MCC: variants seen among roughly 807,000 people sequenced by gnomAD.
MCC encodes colorectal mutant cancer protein.
A neutral mutation model predicts 116.2 loss-of-function variants in MCC; 90 were observed. That is an observed-to-expected ratio of 0.77 (90% CI 0.65 to 0.92). The LOEUF (loss-of-function observed/expected upper bound fraction) is 0.92. MCC is among the 40% of genes least tolerant of loss of function. The pLI is 0.00. For missense variants in MCC, 1,516 were observed against 1,312.2 expected (o/e 1.16, Z -2.40); for synonymous variants, 578 against 510.5 (o/e 1.13, Z -1.78).
At position 113,291,915 on chromosome 5, in the gene MCC, G is replaced by T. The variant is rs569244117; in HGVS notation, c.627+48604C>A. 7.6e-4 allele frequency among the ~76,000 whole-genome samples: 115 copies of T among 152,164 alleles called. 1 individual carries two copies. In the Middle Eastern group the frequency reaches 0.014, roughly 18 times the overall value. ...CATGTTAAATTGAACTGAGATTTAGGGTCCACAAGGTATGAACCACACACT... is the reference window on the plus strand; with the variant it reads ...CATGTTAAATTGAACTGAGATTTAGTGTCCACAAGGTATGAACCACACACT... On this transcript the variant is annotated intron_variant, in intron 3 of 18. Transcript: ENST00000408903.
At chr5:113,356,398 A>G (rs6879612) in intron 2 of MCC, among the ~76,000 whole-genome samples, 96,366 of 147,862 alleles carry the variant, frequency 0.65, 33,793 homozygotes, top group African/African-American at 0.91. Context: ...TTATATAAAT[A>G]TATATATCAA....
intron 2 of MCC, among the ~76,000 whole-genome samples, chr5:113,384,063 C>T (rs1769187959): frequency 6.9e-6 from 1 of 145,840 alleles, no homozygotes; most frequent in East Asian, 1.9e-4. Flanking sequence ...TGTCTCCTTT[C>T]TTTCCTTTTT....
chr5:113,474,811 G>C (rs1375452019), intron 1 of MCC, among the ~76,000 whole-genome samples: 1 of 152,056 alleles, frequency 6.6e-6, no homozygotes, highest in African/African-American at 2.4e-5. Context: ...TTCAGAAGAG[G>C]AAACACCTCC....
chr5:113,240,825 A>C (rs1764337127), intron 3 of MCC, among the ~76,000 whole-genome samples: 1 of 152,172 alleles, frequency 6.6e-6, no homozygotes, highest in Non-Finnish European at 1.5e-5. Flanking sequence ...CAGCCTCAGG[A>C]CCAGAGGAGC....
At chr5:113,288,584 C>T (rs1395341530) in intron 3 of MCC, among the ~76,000 whole-genome samples, 1 of 152,220 alleles carries the variant, frequency 6.6e-6, no homozygotes, top group Non-Finnish European at 1.5e-5. Flanking sequence ...TCCCTTTACT[C>T]TAATCATATC....
chr5:113,402,186 C>G (rs1162685722), intron 1 of MCC, among the ~76,000 whole-genome samples: 1 of 151,070 alleles, frequency 6.6e-6, no homozygotes, highest in South Asian at 2.1e-4. Flanking sequence ...CCCAGCTACT[C>G]CGGAGGCTGA....
chr5:113,271,044 G>A (rs746439211), intron 3 of MCC, among the ~76,000 whole-genome samples: 3 of 151,962 alleles, frequency 2.0e-5, no homozygotes, highest in Non-Finnish European at 4.4e-5. Flanking sequence ...ATTTAACCAC[G>A]CCATTGATTA....
chr5:113,437,114 G>T (rs1158749892), intron 1 of MCC: 1 of 151,676 alleles, frequency 6.6e-6, no homozygotes, highest in African/African-American at 2.4e-5. Context: ...CTATATTGCT[G>T]TCTACAATGA....
At chr5:113,134,944 C>CT (rs1554056937) in intron 5 of MCC, among the ~76,000 whole-genome samples, 62,357 of 128,204 alleles carry the variant, frequency 0.49, 16,779 homozygotes, top group East Asian at 0.68. Flanking sequence ...ACTTTTACTT[C>CT]TTTTTTTTTT....
chr5:113,389,669 G>A (rs1441680223), intron 1 of MCC, among the ~76,000 whole-genome samples: 1 of 152,014 alleles, frequency 6.6e-6, no homozygotes, highest in Non-Finnish European at 1.5e-5. Context: ...ATGACCATGA[G>A]CTCCTGGCAG....
intron 3 of MCC, among the ~76,000 whole-genome samples, chr5:113,280,295 T>C (rs564541835): frequency 1.3e-5 from 2 of 152,358 alleles, no homozygotes; most frequent in East Asian, 1.9e-4. Context: ...ACACCGCTGG[T>C]TGATATAAAA....
At chr5:113,429,286 A>AGG (rs1277172112) in intron 1 of MCC, among the ~76,000 whole-genome samples, 1 of 152,042 alleles carries the variant, frequency 6.6e-6, no homozygotes, top group Non-Finnish European at 1.5e-5. Context: ...AGAGAGAGAG[A>AGG]GAGAGAGATC....
chr5:113,069,437 G>C (rs1277465312), intron 12 of MCC, among the ~76,000 whole-genome samples: 1 of 152,258 alleles, frequency 6.6e-6, no homozygotes, highest in African/African-American at 2.4e-5. Flanking sequence ...CATGTGTACA[G>C]CATCCTCAGG....
intron 12 of MCC, among the ~76,000 whole-genome samples, chr5:113,069,875 C>T (rs534060653): frequency 5.3e-5 from 8 of 152,330 alleles, no homozygotes; most frequent in Admixed American, 3.3e-4. Flanking sequence ...CGTGAGCCAC[C>T]GCGCCCAGCG....
intron 3 of MCC, among the ~76,000 whole-genome samples, chr5:113,209,422 C>T (rs887683130): frequency 3.9e-5 from 6 of 152,208 alleles, no homozygotes; most frequent in African/African-American, 1.4e-4. Flanking sequence ...GGCAATTCCA[C>T]TGGGTTCCTC....
chr5:113,433,385 G>T, intron 1 of MCC: 1 of 508,300 alleles, frequency 2.0e-6, no homozygotes, highest in Middle Eastern at 3.2e-4. Context: ...GGTGCCCAAG[G>T]TGGACAGCGG....
intron 2 of MCC, among the ~76,000 whole-genome samples, chr5:113,369,351 T>C (rs573965844): frequency 2.0e-5 from 3 of 152,124 alleles, no homozygotes; most frequent in Non-Finnish European, 4.4e-5. Context: ...CATTTGGAGA[T>C]TTTAAGGATA....
chr5:113,044,628 G>A (rs751023895), intron 16 of MCC: 5 of 210,672 alleles, frequency 2.4e-5, no homozygotes, highest in Non-Finnish European at 4.1e-5. Context: ...AGGCTGGAGT[G>A]CAATGGCGTG....
chr5:113,028,476 A>G (rs2150205627), intron 18 of MCC, among the ~76,000 whole-genome samples: 1 of 152,322 alleles, frequency 6.6e-6, no homozygotes, highest in Non-Finnish European at 1.5e-5. Context: ...ACTTACAGGA[A>G]CAAAAGCTCT....
Sources: allele counts gnomAD v4.1 joint callset (sites outside exome capture counted in the v4.1 genomes callset), GRCh38; gene constraint gnomAD v4.1.1; transcripts MANE v1.5; gene names NCBI Gene and HGNC (gene_info 2026-07-23, HGNC 2026-07-21).